Variants in IGF2R observed in about 807,000 individuals in gnomAD.
IGF2R encodes insulin like growth factor 2 receptor.
Under a neutral mutation model 270.6 loss-of-function variants are expected in IGF2R, and 91 were observed. The observed-to-expected ratio is 0.34, with a 90% CI of 0.28 to 0.40. IGF2R has a LOEUF of 0.40. Among genes scored for constraint, IGF2R ranks in the 10% least tolerant of loss-of-function variants. The pLI, the probability that IGF2R is intolerant of heterozygous loss-of-function variation, is 1.00. For missense variants in IGF2R, 2,805 were observed against 3,188.3 expected (o/e 0.88, Z 2.90); for synonymous variants, 1,316 against 1,258.9 (o/e 1.05, Z -0.96).
intron 4 of IGF2R, among the ~76,000 whole-genome samples, chr6:160,011,110 T>C (rs938065583): frequency 2.0e-4 from 30 of 152,192 alleles, no homozygotes; most frequent in African/African-American, 6.8e-4. Flanking sequence ...GCTTAGAGTA[T>C]TCACTCTACC....
chr6:160,083,553 A>G (rs1033110914), intron 39 of IGF2R, among the ~76,000 whole-genome samples: 55 of 152,242 alleles, frequency 3.6e-4, no homozygotes, highest in African/African-American at 1.2e-3. Context: ...ATTTCAGACT[A>G]TCACATGGGG....
chr6:160,024,371 C>T (rs1175030928), intron 4 of IGF2R, among the ~76,000 whole-genome samples: 1 of 152,084 alleles, frequency 6.6e-6, no homozygotes. Flanking sequence ...CAACAGTCCT[C>T]ATGTAAGAGA....
rs375892491 is a variant in IGF2R at position 159,978,707 on chromosome 6, A to G, written c.149+9312A>G. ...TTCGAGGTGCCCAAAGCAATGCGTC[A>G]TAAGCCTATTTTTGTCTCCGTGTTA... On this transcript the variant is annotated intron_variant, in intron 1 of 47. Coordinates refer to ENST00000356956, the MANE Select transcript of IGF2R (RefSeq NM_000876.4). 2.6e-5 allele frequency among the ~76,000 whole-genome samples: 4 copies of G among 151,896 alleles called. No homozygotes were observed. The East Asian group carries it at 7.7e-4, about 29-fold the overall frequency.
At position 160,072,131 on chromosome 6, in the gene IGF2R, A is replaced by G. The variant is rs1437875660; in HGVS notation, c.4570+95A>G. The G allele has an allele frequency of 3.3e-6, 5 of 1,526,834 alleles. No individual in the cohort carries two copies. In the African/African-American group the frequency reaches 5.5e-5, roughly 17 times the overall value. 94.6% of individuals were successfully genotyped at this position (1,526,834 alleles called of 1,614,324 possible). A position where few individuals can be genotyped will look rare whatever the true frequency, so the allele number is the denominator to read the frequency against. The stretch of plus-strand genomic sequence containing the variant: ...CAGGGGAGAGACCCAAAGAGAAGCT[A>G]TGGGCAGCAGGCGCCCTGGGCAGAG... On this transcript the variant is annotated intron_variant, in intron 32 of 47. Coordinates refer to ENST00000356956, the MANE Select transcript of IGF2R (RefSeq NM_000876.4).
At chr6:160,026,031 C>T (rs1484761634) in intron 5 of IGF2R, among the ~76,000 whole-genome samples, 1 of 152,160 alleles carries the variant, frequency 6.6e-6, no homozygotes, top group Non-Finnish European at 1.5e-5. Flanking sequence ...CAGGAAATTG[C>T]CCTAAGTCTC....
chr6:160,073,523 C>A, intron 34 of IGF2R, 54 bp downstream of exon 34: 1 of 1,588,472 alleles, frequency 6.3e-7, no homozygotes, highest in East Asian at 2.2e-5. Flanking sequence ...TGGCTGCACC[C>A]GGGCCCCTTC....
At chr6:160,017,006 A>G (rs1777315146) in intron 4 of IGF2R, among the ~76,000 whole-genome samples, 2 of 152,262 alleles carry the variant, frequency 1.3e-5, no homozygotes. Flanking sequence ...TCTTCCAGAA[A>G]CAGATCCTAA....
chr6:160,095,075 T>C (rs1422218466), intron 44 of IGF2R: 3 of 152,156 alleles, frequency 2.0e-5, no homozygotes, highest in Non-Finnish European at 2.9e-5. Context: ...GTCAAGTCTT[T>C]TAGGTTGCTT....
intron 4 of IGF2R, among the ~76,000 whole-genome samples, chr6:160,021,042 A>G (rs1777421229): frequency 6.6e-6 from 1 of 152,190 alleles, no homozygotes; most frequent in Admixed American, 6.5e-5. Flanking sequence ...GTGTTTTTAA[A>G]CTCTACATTC....
chr6:160,096,719 A>C (rs1281985949), intron 45 of IGF2R, 94 bp downstream of exon 45: 3 of 1,095,388 alleles, frequency 2.7e-6, no homozygotes, highest in Non-Finnish European at 3.9e-6. Flanking sequence ...TTTCTTGTGA[A>C]ATATTCAGAA....
chr6:160,069,773 G>A (rs1562366282), intron 30 of IGF2R, 95 bp from the exon 31 acceptor site: 3 of 1,108,030 alleles, frequency 2.7e-6, no homozygotes, highest in South Asian at 2.9e-5. Context: ...AGCGTATGAA[G>A]TTCTGCAGCG....
chr6:160,011,022 T>C (rs1469897801), intron 4 of IGF2R, among the ~76,000 whole-genome samples: 2 of 152,212 alleles, frequency 1.3e-5, no homozygotes, highest in Non-Finnish European at 2.9e-5. Flanking sequence ...ATAGAATGGC[T>C]CATCCATATA....
At chr6:160,059,127 C>T (rs373342831) in intron 22 of IGF2R, 29 bp downstream of exon 22, 1 of 1,592,568 alleles carries the variant, frequency 6.3e-7, no homozygotes, top group African/African-American at 1.3e-5. Flanking sequence ...TGTTTTGTAG[C>T]TAAAAAGGGC....
chr6:160,017,659 T>C (rs1476956845), intron 4 of IGF2R, among the ~76,000 whole-genome samples: 1 of 152,168 alleles, frequency 6.6e-6, no homozygotes, highest in Non-Finnish European at 1.5e-5. Context: ...ATAGGGGACT[T>C]CTCAGGAGAA....
intron 1 of IGF2R, among the ~76,000 whole-genome samples, chr6:159,980,180 CAAA>C (rs1203923958): frequency 1.1e-5 from 1 of 87,326 alleles, no homozygotes; most frequent in Non-Finnish European, 2.4e-5. Flanking sequence ...GACTCCGTCT[CAAA>C]AAAGAAAGAA....
chr6:160,022,013 A>AACACACACACACACACACACACACACAC lies in IGF2R; in HGVS notation c.514-2558_514-2531dup, dbSNP rs58646750. On this transcript the variant is annotated intron_variant, in intron 4 of 47. Coordinates refer to ENST00000356956, the MANE Select transcript of IGF2R (RefSeq NM_000876.4). The stretch of plus-strand genomic sequence containing the variant: ...CCCACCAACGGATGACTAGGTAAAG[A>AACACACACACACACACACACACACACAC]ACACACACACACACACACACACACA... Among the ~76,000 whole-genome samples, 448 of 142,810 alleles carry AACACACACACACACACACACACACACAC rather than the reference A, an allele frequency of 3.1e-3. 2 individuals carry two copies. The highest frequency in any genetic ancestry group is 7.5e-3 in the Middle Eastern group (2 of 268). 93.7% of individuals were successfully genotyped at this position (142,810 alleles called of 152,430 possible).
At chr6:159,979,547 G>A (rs115642498) in intron 1 of IGF2R, among the ~76,000 whole-genome samples, 1,711 of 152,312 alleles carry the variant, frequency 0.011, 26 homozygotes, top group African/African-American at 0.039. Flanking sequence ...CTGGACATGC[G>A]GAGGGAGAGG....
chr6:160,053,517 A>T (rs1165250439), intron 19 of IGF2R, among the ~76,000 whole-genome samples: 1 of 152,192 alleles, frequency 6.6e-6, no homozygotes, highest in Non-Finnish European at 1.5e-5. Flanking sequence ...CCAGGGGACA[A>T]CAGCAGACTG....
rs1465793679 is a variant in IGF2R at position 160,012,743 on chromosome 6, A to ATT, written c.513+1960_513+1961dup. Among the ~76,000 whole-genome samples, 251 of 93,786 alleles carry ATT rather than the reference A, an allele frequency of 2.7e-3. 7 individuals carry two copies. Among genetic ancestry groups the ATT allele is most frequent in the Non-Finnish European group, 4.5e-3 (203 of 45,292 alleles). 61.5% of individuals were successfully genotyped at this position (93,786 alleles called of 152,430 possible). A position where few individuals can be genotyped will look rare whatever the true frequency, so the allele number is the denominator to read the frequency against. ...AGGCATGAGCCACCATGCCCGGCTAATTTATATATATATATATATATTTTT... is the reference window on the plus strand; with the variant it reads ...AGGCATGAGCCACCATGCCCGGCTAATTTTTATATATATATATATATATTTTT... On this transcript the variant is annotated intron_variant, in intron 4 of 47. Transcript: ENST00000356956.
Sources: gnomAD v4.1 joint callset for allele counts (sites outside exome capture counted in the v4.1 genomes callset) on GRCh38, gnomAD v4.1.1 for gene constraint, MANE v1.5 for transcripts, NCBI Gene and HGNC (gene_info 2026-07-23, HGNC 2026-07-21) for gene names.